Variants in BPIFB2 observed in about 807,000 individuals in gnomAD.
The protein encoded by BPIFB2 is BPI fold-containing family B member 2.
BPIFB2 carries 39 observed loss-of-function variants against 50.1 expected under a neutral mutation model. The observed-to-expected ratio is 0.78, with a 90% CI of 0.60 to 1.02. The LOEUF is 1.02. Ranked by LOEUF, BPIFB2 falls within the 50% of genes least tolerant of loss-of-function variation. The pLI is 0.00. For synonymous variants in BPIFB2, 280 were observed against 256.3 expected, an observed-to-expected ratio of 1.09 and a Z score of -0.88; for missense variants, 574 against 585.8, an observed-to-expected ratio of 0.98 and a Z score of 0.21.
At position 33,009,709 on chromosome 20, in the gene BPIFB2, C is replaced by T. The variant is rs1359262290; in HGVS notation, c.109+1026C>T. Among the ~76,000 whole-genome samples the T allele has an allele frequency of 6.6e-6, 1 of 152,242 alleles. No individual in the cohort carries two copies. Among genetic ancestry groups the T allele is most frequent in the Non-Finnish European group, 1.5e-5 (1 of 68,046 alleles). Reference sequence around the variant, plus strand: ...GCAGGTAGGGCCATGAGGCCCGCGCCCTCCGCCGCCTTCCTGCCCTCTGCC... The same window carrying T: ...GCAGGTAGGGCCATGAGGCCCGCGCTCTCCGCCGCCTTCCTGCCCTCTGCC... On this transcript the variant is annotated intron_variant, in intron 2 of 15. Transcript: ENST00000170150. This position sits in a 1 kb window ranked among gnomAD's most constrained non-coding sequence, Gnocchi z 4.2.
chr20:33,013,343 A>G (rs1357375724), intron 4 of BPIFB2, among the ~76,000 whole-genome samples: 1 of 152,154 alleles, frequency 6.6e-6, no homozygotes, highest in Non-Finnish European at 1.5e-5. Context: ...TTTTCACACC[A>G]TGAGCTGTGC....
intron 4 of BPIFB2, among the ~76,000 whole-genome samples, chr20:33,013,123 A>C (rs1414626845): frequency 6.6e-6 from 1 of 152,148 alleles, no homozygotes; most frequent in African/African-American, 2.4e-5. Flanking sequence ...GGGCAGAGTC[A>C]CTTGGCTTGT....
intron 6 of BPIFB2, 119 bp downstream of exon 6, chr20:33,015,615 A>C: frequency 1.5e-5 from 12 of 779,382 alleles, no homozygotes; most frequent in East Asian, 5.7e-5. Flanking sequence ...AAAAAAAAAG[A>C]CGCCCCTTCA....
intron 3 of BPIFB2, among the ~76,000 whole-genome samples, chr20:33,011,356 C>T (rs569110410): frequency 6.6e-6 from 1 of 152,322 alleles, no homozygotes; most frequent in South Asian, 2.1e-4. Context: ...ATGGAGAAGC[C>T]GGGCCTGGTG....
intron 3 of BPIFB2, among the ~76,000 whole-genome samples, chr20:33,012,245 C>T (rs951754847): frequency 2.0e-5 from 3 of 152,128 alleles, no homozygotes; most frequent in Non-Finnish European, 4.4e-5. Context: ...AAACAGTGCC[C>T]GGGGCTCTTG....
chr20:33,021,275 C>T lies in BPIFB2; in HGVS notation c.1195-6C>T, dbSNP rs147250386. On this transcript the variant is annotated splice_polypyrimidine_tract_variant and splice_region_variant and intron_variant, in intron 13 of 15. Transcript: ENST00000170150. ...CGGGCCCATCTCCCTGGCTCCGTGGCCACAGACAGATCAGGTGCGCACACT... is the reference window on the plus strand; with the variant it reads ...CGGGCCCATCTCCCTGGCTCCGTGGTCACAGACAGATCAGGTGCGCACACT... 6.2e-7 allele frequency: 1 copy of T among 1,613,938 alleles called. No individual in the cohort carries two copies. Among genetic ancestry groups the T allele is most frequent in the Non-Finnish European group, 8.5e-7 (1 of 1,179,966 alleles).
At chr20:33,020,262 G>A (rs985229450) in intron 11 of BPIFB2, 66 bp from the exon 12 acceptor site, 6 of 1,484,252 alleles carry the variant, frequency 4.0e-6, no homozygotes, top group African/African-American at 2.8e-5. Context: ...ATGGGTGGGA[G>A]GCTGGGTGGC....
intron 14 of BPIFB2, 27 bp from the exon 15 acceptor site, chr20:33,021,696 C>T (rs757149558): frequency 3.0e-5 from 49 of 1,610,036 alleles, no homozygotes; most frequent in South Asian, 2.6e-4. Context: ...CTCCAGGGGA[C>T]GATCCTTTCT....
chr20:33,015,359 C>T, intron 5 of BPIFB2, 77 bp from the exon 6 acceptor site: 1 of 1,359,978 alleles, frequency 7.4e-7, no homozygotes, highest in Non-Finnish European at 1.0e-6. Flanking sequence ...CTTCTCTTCC[C>T]AGACGTGCGA....
intron 8 of BPIFB2, 89 bp from the exon 9 acceptor site, chr20:33,018,548 G>A: frequency 7.0e-7 from 1 of 1,430,982 alleles, no homozygotes; most frequent in South Asian, 1.3e-5. Flanking sequence ...GGCAGGGAGT[G>A]GCATCTAGGA....
At chr20:33,015,720 G>T (rs1978402371) in intron 6 of BPIFB2, among the ~76,000 whole-genome samples, 1 of 152,088 alleles carries the variant, frequency 6.6e-6, no homozygotes. Flanking sequence ...TTGGAGGGGA[G>T]GGGGAGGTTC....
intron 15 of BPIFB2, among the ~76,000 whole-genome samples, chr20:33,022,276 G>A (rs1245289326): frequency 6.6e-6 from 1 of 152,198 alleles, no homozygotes; most frequent in Non-Finnish European, 1.5e-5. Flanking sequence ...GATATAAAAG[G>A]AAATTCAGTC....
At chr20:33,020,192 C>T (rs1568979424) in intron 11 of BPIFB2, 136 bp from the exon 12 acceptor site, 8 of 799,654 alleles carry the variant, frequency 1.0e-5, no homozygotes, top group Admixed American at 2.5e-5. Flanking sequence ...CAACATTCAG[C>T]GTGGGGCCTG....
chr20:33,013,554 C>G (rs1359700176), intron 4 of BPIFB2, among the ~76,000 whole-genome samples: 1 of 152,138 alleles, frequency 6.6e-6, no homozygotes, highest in South Asian at 2.1e-4. Flanking sequence ...AAATGACTGG[C>G]CCAGGGTCTC....
rs140858734 is a variant in BPIFB2, at chr20:33,018,663, C to T, written c.696C>T (p.Pro232=). ...CTGTTCTCTTCCTGCTGGGCAAGCC[C>T]ATCATCCTGCCCACGGATGCCACCC... is the stretch of plus-strand genomic sequence containing the variant. ...VNAVLFLLGK[P]IILPTDATPF... is the part of the protein sequence containing the mutation. The change falls in exon 9 of 16, where the codon CCC becomes CCT. Residue 232 remains proline, a synonymous_variant. Transcript: ENST00000170150. 9.8e-4 allele frequency: 1,580 copies of T among 1,613,754 alleles called. 18 individuals carry two copies. The African/African-American group carries it at 0.018, about 18-fold the overall frequency.
intron 9 of BPIFB2, 32 bp from the exon 10 acceptor site, chr20:33,019,028 TAA>T (rs1462694033): frequency 6.2e-7 from 1 of 1,614,058 alleles, no homozygotes; most frequent in African/African-American, 1.3e-5. Context: ...GCAGCTGTCC[TAA>T]AACCTGTTGT....
intron 13 of BPIFB2, 51 bp downstream of exon 13, chr20:33,020,638 C>T (rs754057923): frequency 1.3e-6 from 2 of 1,523,876 alleles, no homozygotes; most frequent in African/African-American, 2.8e-5. Context: ...GTAGGGCACA[C>T]CTTGAGCCTG....
chr20:33,016,956 C>A (rs1978451854), intron 6 of BPIFB2, 86 bp from the exon 7 acceptor site: 3 of 1,249,390 alleles, frequency 2.4e-6, no homozygotes, highest in Non-Finnish European at 3.5e-6. Flanking sequence ...GGCTTCTAGA[C>A]AGGGACTCTA....
At position 33,023,537 on chromosome 20, in the gene BPIFB2, T is replaced by C; in HGVS notation, c.*154T>C. 1.2e-6 allele frequency: 1 copy of C among 808,966 alleles called. No individual in the cohort carries two copies. The highest frequency in any genetic ancestry group is 2.0e-6 in the Non-Finnish European group (1 of 490,108). The allele number at this position is 808,966 out of a possible 1,614,324, so 50.1% of individuals were successfully genotyped here. On this transcript the variant is annotated 3_prime_UTR_variant, in exon 16 of 16. Coordinates refer to ENST00000170150, the MANE Select transcript of BPIFB2 (RefSeq NM_025227.3). ...GGCTGTTTTATCTTCCCTGAGTGCC[T>C]GGGTCTCCCTCCCTCACTTCTGCCC... is the stretch of plus-strand genomic sequence containing the variant.
Sources: gnomAD v4.1 joint callset for allele counts (sites outside exome capture counted in the v4.1 genomes callset) on GRCh38, gnomAD v4.1.1 for gene constraint, Gnocchi (gnomAD v3.1) non-coding constraint, MANE v1.5 for transcripts, NCBI Gene and HGNC (gene_info 2026-07-23, HGNC 2026-07-21) for gene names.